The following PTPRK variants were observed in gnomAD, a reference collection of about 807,000 sequenced individuals.
PTPRK encodes the protein receptor-type tyrosine-protein phosphatase kappa.
A neutral mutation model predicts 178.0 loss-of-function variants in PTPRK; 75 were observed. That is an observed-to-expected ratio of 0.42 (90% CI 0.35 to 0.51). PTPRK has a LOEUF of 0.51. PTPRK is among the 20% of genes least tolerant of loss of function. PTPRK has a pLI of 0.02. For missense variants in PTPRK, 1,441 were observed against 1,797.8 expected (o/e 0.80, Z 3.59); for synonymous variants, 637 against 620.6 (o/e 1.03, Z -0.39).
intron 3 of PTPRK, chr6:128,320,951 C>G (rs145033365): frequency 6.6e-6 from 1 of 152,182 alleles, no homozygotes; most frequent in African/African-American, 2.4e-5. Flanking sequence ...ACTCAATAAA[C>G]ATACAACCTT....
intron 2 of PTPRK, among the ~76,000 whole-genome samples, chr6:128,345,673 A>G (rs993514752): frequency 1.3e-5 from 2 of 152,206 alleles, no homozygotes; most frequent in Non-Finnish European, 2.9e-5. Flanking sequence ...TGCAGTCCAG[A>G]ATTCCTCTTC....
At chr6:128,442,507 A>G (rs760014647) in intron 1 of PTPRK, among the ~76,000 whole-genome samples, 1 of 152,180 alleles carries the variant, frequency 6.6e-6, no homozygotes, top group Non-Finnish European at 1.5e-5. Context: ...CCCACCTACA[A>G]CTATATGGCC....
chr6:128,129,025 A>G (rs527880574), intron 7 of PTPRK, among the ~76,000 whole-genome samples: 3 of 152,232 alleles, frequency 2.0e-5, no homozygotes, highest in African/African-American at 4.8e-5. Context: ...TCATCAGGAC[A>G]TATTTCCACT....
intron 1 of PTPRK, among the ~76,000 whole-genome samples, chr6:128,454,368 A>G (rs1024051164): frequency 2.6e-5 from 4 of 152,234 alleles, no homozygotes; most frequent in African/African-American, 9.6e-5. Flanking sequence ...AGAGTTATCT[A>G]AATAGCAAAG....
At chr6:128,044,223 A>G (rs979492185) in intron 13 of PTPRK, among the ~76,000 whole-genome samples, 1 of 152,090 alleles carries the variant, frequency 6.6e-6, no homozygotes, top group Non-Finnish European at 1.5e-5. Context: ...CGCACATGCC[A>G]AAAACCTATC....
At chr6:128,190,795 G>T in intron 6 of PTPRK, among the ~76,000 whole-genome samples, 1 of 152,058 alleles carries the variant, frequency 6.6e-6, no homozygotes. Flanking sequence ...CACCAGGCCT[G>T]GCCTGGAGAC....
chr6:128,497,693 A>G (rs1262212358), intron 1 of PTPRK, among the ~76,000 whole-genome samples: 1 of 151,968 alleles, frequency 6.6e-6, no homozygotes, highest in African/African-American at 2.4e-5. Flanking sequence ...TATACATTCC[A>G]GTGTTAATAC....
chr6:128,034,672 T>C (rs1775913424), intron 13 of PTPRK, among the ~76,000 whole-genome samples: 1 of 152,124 alleles, frequency 6.6e-6, no homozygotes, highest in South Asian at 2.1e-4. Context: ...CAACTTCTCT[T>C]TGGAGAATGG....
At chr6:128,148,619 T>C (rs1034828694) in intron 7 of PTPRK, among the ~76,000 whole-genome samples, 7 of 152,118 alleles carry the variant, frequency 4.6e-5, no homozygotes, top group African/African-American at 4.8e-5. Context: ...CTGAAGAGAC[T>C]TGATATTCCT....
intron 3 of PTPRK, among the ~76,000 whole-genome samples, chr6:128,256,761 A>G (rs1187220018): frequency 1.3e-5 from 2 of 152,066 alleles, no homozygotes; most frequent in Admixed American, 6.6e-5. Flanking sequence ...TCTATCTGGG[A>G]AAGCGGACAA....
intron 12 of PTPRK, among the ~76,000 whole-genome samples, chr6:128,066,529 T>G (rs1781794549): frequency 6.6e-6 from 1 of 152,120 alleles, no homozygotes; most frequent in Non-Finnish European, 1.5e-5. Flanking sequence ...ATATGACTGA[T>G]GTAATTGTAT....
chr6:128,235,892 A>G (rs1813164044), intron 5 of PTPRK, among the ~76,000 whole-genome samples: 1 of 152,148 alleles, frequency 6.6e-6, no homozygotes, highest in Admixed American at 6.5e-5. Flanking sequence ...TTATCATTTC[A>G]CTTCATCCTA....
chr6:128,239,377 T>C (rs142096650), intron 5 of PTPRK, among the ~76,000 whole-genome samples: 2,088 of 152,324 alleles, frequency 0.014, 22 homozygotes, highest in Non-Finnish European at 0.022. Flanking sequence ...CACTGACAGA[T>C]AGACTTTCTA....
rs61757810 is a variant in PTPRK, at chr6:128,089,790, G to A, written c.1365C>T (p.Asn455=). The A allele has an allele frequency of 2.1e-3, 3,365 of 1,613,692 alleles. 53 individuals carry two copies. The African/African-American group carries it at 0.038, about 18-fold the overall frequency. The change falls in exon 8 of 30, where the codon AAC becomes AAT. Residue 455 remains asparagine, a synonymous_variant. Transcript: ENST00000368226. The stretch of plus-strand genomic sequence containing the variant: ...TGACATTTGTATAAGGTGGCAGATG[G>A]TTCACAACATGCTGAGGGGCTTTGG... ...MDPKAPQHVV[N]HLPPYTNVSL... is the part of the protein sequence containing the mutation.
intron 13 of PTPRK, among the ~76,000 whole-genome samples, chr6:128,058,689 T>C (rs964128732): frequency 3.9e-5 from 6 of 152,074 alleles, no homozygotes; most frequent in Admixed American, 1.3e-4. Context: ...CTATCTCCTG[T>C]CTAAAAAATC....
At chr6:128,176,271 T>C (rs1801061314) in intron 7 of PTPRK, among the ~76,000 whole-genome samples, 1 of 151,896 alleles carries the variant, frequency 6.6e-6, no homozygotes, top group Admixed American at 6.6e-5. Flanking sequence ...CAGGACAGAA[T>C]ATAGCAACTG....
chr6:128,061,927 T>G (rs1780906967), intron 13 of PTPRK: 1 of 152,204 alleles, frequency 6.6e-6, no homozygotes, highest in Non-Finnish European at 1.5e-5. Context: ...GCACACATTT[T>G]AAATGTACAG....
At chr6:128,239,608 T>C (rs1814007210) in intron 5 of PTPRK, among the ~76,000 whole-genome samples, 1 of 152,228 alleles carries the variant, frequency 6.6e-6, no homozygotes, top group African/African-American at 2.4e-5. Flanking sequence ...TTCCAATTCA[T>C]ACTTCCTGAA....
At chr6:128,001,211 A>T (rs1192017614) in intron 15 of PTPRK, 2 of 1,534,696 alleles carry the variant, frequency 1.3e-6, no homozygotes, top group Non-Finnish European at 1.8e-6. Flanking sequence ...ATAGGAACTT[A>T]AACCCAATGA....
Sources: allele counts gnomAD v4.1 joint callset (sites outside exome capture counted in the v4.1 genomes callset), GRCh38; gene constraint gnomAD v4.1.1; transcripts MANE v1.5; gene names NCBI Gene and HGNC (gene_info 2026-07-23, HGNC 2026-07-21).